Variants in ZNF585A observed in about 807,000 individuals in gnomAD.
ZNF585A encodes the protein zinc finger protein 585A.
A neutral mutation model predicts 14.9 loss-of-function variants in ZNF585A; 9 were observed. The ratio of observed to expected loss-of-function variants is 0.60; its 90% CI spans 0.36 to 1.05. ZNF585A has a LOEUF of 1.05. Ranked by LOEUF, ZNF585A falls within the 50% of genes least tolerant of loss-of-function variation. The pLI is 0.01. For synonymous variants in ZNF585A, 276 were observed against 319.9 expected, an observed-to-expected ratio of 0.86 and a Z score of 1.46; for missense variants, 726 against 926.4, an observed-to-expected ratio of 0.78 and a Z score of 2.81.
Position 37,146,022 on chromosome 19 carries a change from G to A in ZNF585A, c.*5567C>T, listed in dbSNP as rs1971738890. The A allele has an allele frequency of 6.6e-6, 1 of 152,214 alleles. No individual in the cohort carries two copies. The highest frequency in any genetic ancestry group is 1.5e-5 in the Non-Finnish European group (1 of 68,044). The allele number at this position is 152,214 out of a possible 1,614,324, so 9.4% of individuals were successfully genotyped here. ...TGTAAGTGGTATGCTATGGCATGGT[G>A]TACGGTATGGTACGGTATGAGGAAT... On this transcript the variant is annotated 3_prime_UTR_variant, in exon 5 of 5. Coordinates refer to ENST00000292841, the MANE Select transcript of ZNF585A (RefSeq NM_001288800.2).
At position 37,147,251 on chromosome 19, in the gene ZNF585A, T is replaced by C. The variant is rs1188054709; in HGVS notation, c.*4338A>G. 1 of 152,234 alleles carries C rather than the reference T, an allele frequency of 6.6e-6. No homozygotes were observed. The highest frequency in any genetic ancestry group is 1.5e-5 in the Non-Finnish European group (1 of 68,058). 9.4% of individuals were successfully genotyped at this position (152,234 alleles called of 1,614,324 possible). On this transcript the variant is annotated 3_prime_UTR_variant, in exon 5 of 5. Coordinates refer to ENST00000292841, the MANE Select transcript of ZNF585A (RefSeq NM_001288800.2). ...GAGCTCTACAGATGTGTTACTTCAA[T>C]GGCAGGATAAGATGGGGATGGAGGC...
At chr19:37,164,623 GTAA>G (rs1229502455) in intron 2 of ZNF585A, among the ~76,000 whole-genome samples, 3 of 151,998 alleles carry the variant, frequency 2.0e-5, no homozygotes, top group African/African-American at 7.3e-5. Flanking sequence ...AGAAATACCC[GTAA>G]TAATCTCTCG....
Position 37,147,747 on chromosome 19 carries a change from T to G in ZNF585A, c.*3842A>C, listed in dbSNP as rs919427877. ...ATAAAATTAAAATATATAAATCTAG[T>G]TTTTACACTTATAAATCTTTTATCA... is the stretch of plus-strand genomic sequence containing the variant. On this transcript the variant is annotated 3_prime_UTR_variant, in exon 5 of 5. Coordinates refer to ENST00000292841, the MANE Select transcript of ZNF585A (RefSeq NM_001288800.2). 6.6e-6 allele frequency: 1 copy of G among 152,196 alleles called. No homozygotes were observed. The highest frequency in any genetic ancestry group is 2.4e-5 in the African/African-American group (1 of 41,460). 9.4% of individuals were successfully genotyped at this position (152,196 alleles called of 1,614,324 possible).
intron 2 of ZNF585A, among the ~76,000 whole-genome samples, chr19:37,158,009 T>G (rs1181267681): frequency 6.6e-6 from 1 of 150,594 alleles, no homozygotes; most frequent in African/African-American, 2.4e-5. Flanking sequence ...TGCCTCAGAC[T>G]CCCGAGTAGC....
rs1378582716 is a variant in ZNF585A, at chr19:37,151,261, T to C, written c.*328A>G. 1 of 442,676 alleles carries C rather than the reference T, an allele frequency of 2.3e-6. No homozygotes were observed. The highest frequency in any genetic ancestry group is 4.0e-6 in the Non-Finnish European group (1 of 251,928). The allele number at this position is 442,676 out of a possible 1,614,324, so 27.4% of individuals were successfully genotyped here. A position where few individuals can be genotyped will look rare whatever the true frequency, so the allele number is the denominator to read the frequency against. ...ACCTAATCCACAGTAAACAGGATTA[T>C]CGTTAACTTAATACGATCTTTCTTA... is the stretch of plus-strand genomic sequence containing the variant. On this transcript the variant is annotated 3_prime_UTR_variant, in exon 5 of 5. Coordinates refer to ENST00000292841, the MANE Select transcript of ZNF585A (RefSeq NM_001288800.2).
At chr19:37,156,939 G>A (rs896256044) in intron 2 of ZNF585A, among the ~76,000 whole-genome samples, 9 of 152,126 alleles carry the variant, frequency 5.9e-5, no homozygotes, top group South Asian at 4.1e-4. Flanking sequence ...TGATCCACCC[G>A]CTTTGGCCTC....
intron 2 of ZNF585A, among the ~76,000 whole-genome samples, chr19:37,159,186 T>C (rs1027366088): frequency 2.8e-5 from 4 of 145,050 alleles, no homozygotes; most frequent in African/African-American, 7.9e-5. Context: ...GAGGTGGAGA[T>C]TACAGTGAGC....
intron 2 of ZNF585A, among the ~76,000 whole-genome samples, chr19:37,164,125 CTA>C (rs1972051676): frequency 2.0e-5 from 3 of 152,098 alleles, no homozygotes; most frequent in African/African-American, 7.2e-5. Flanking sequence ...TAAACAAAAA[CTA>C]TAGGAAAAAG....
chr19:37,150,060 G>A lies in ZNF585A; in HGVS notation c.*1529C>T, dbSNP rs1971800025. 6.6e-6 allele frequency: 1 copy of A among 152,010 alleles called. No homozygotes were observed. Among genetic ancestry groups the A allele is most frequent in the African/African-American group, 2.4e-5 (1 of 41,370 alleles). The allele number at this position is 152,010 out of a possible 1,614,324, so 9.4% of individuals were successfully genotyped here. A position where few individuals can be genotyped will look rare whatever the true frequency, so the allele number is the denominator to read the frequency against. Reference sequence around the variant, plus strand: ...CAGACACTGTGTTAGTGATTAATGGGCATCAACAGACATTGGGCTAGTTTT... The same window carrying A: ...CAGACACTGTGTTAGTGATTAATGGACATCAACAGACATTGGGCTAGTTTT... On this transcript the variant is annotated 3_prime_UTR_variant, in exon 5 of 5. Transcript: ENST00000292841.
In ZNF585A at chr19:37,151,639, C is replaced by T. The variant is rs371795037; in HGVS notation, c.2260G>A (p.Gly754Ser). The T allele has an allele frequency of 1.9e-5, 31 of 1,614,046 alleles. No individual in the cohort carries two copies. In the South Asian group the frequency reaches 3.3e-4, roughly 17 times the overall value. The change falls in exon 5 of 5, where the codon GGC becomes AGC. Residue 754 changes from glycine (G) to serine (S), a missense_variant. Physicochemically the swap from Gly to Ser is moderately conservative, Grantham distance 56. Coordinates refer to ENST00000292841, the MANE Select transcript of ZNF585A (RefSeq NM_001288800.2). ...CTGAACACTGATTTCTGAACGAAGCCTTTCCCACAGATGCCACACTTGTAG... is the reference window on the plus strand; with the variant it reads ...CTGAACACTGATTTCTGAACGAAGCTTTTCCCACAGATGCCACACTTGTAG... ...KPYKCGICGK[G>S]FVQKSVFSVH...
At chr19:37,163,079 G>A (rs997571192) in intron 2 of ZNF585A, among the ~76,000 whole-genome samples, 1 of 151,796 alleles carries the variant, frequency 6.6e-6, no homozygotes, top group Non-Finnish European at 1.5e-5. Flanking sequence ...TGAACCCCCA[G>A]CCCCCAAAAC....
intron 4 of ZNF585A, among the ~76,000 whole-genome samples, chr19:37,154,830 AAAG>A (rs906638886): frequency 6.6e-6 from 1 of 151,688 alleles, no homozygotes; most frequent in African/African-American, 2.4e-5. Context: ...AGAAAAAAGA[AAAG>A]AAATAAAAGT....
chr19:37,157,569 G>A (rs771130021), intron 2 of ZNF585A, among the ~76,000 whole-genome samples: 2 of 152,136 alleles, frequency 1.3e-5, no homozygotes, highest in Non-Finnish European at 1.5e-5. Context: ...TTGACATTCC[G>A]TAGAGTTGAG....
chr19:37,159,676 A>G (rs1040068756), intron 2 of ZNF585A, among the ~76,000 whole-genome samples: 1 of 152,244 alleles, frequency 6.6e-6, no homozygotes, highest in Non-Finnish European at 1.5e-5. Flanking sequence ...CAACAAGTTT[A>G]CAAGAATTAC....
Position 37,153,451 on chromosome 19 carries a change from T to C in ZNF585A, c.448A>G (p.Lys150Glu). 2 of 1,614,212 alleles carry C rather than the reference T, an allele frequency of 1.2e-6. No individual in the cohort carries two copies. Among genetic ancestry groups the C allele is most frequent in the Non-Finnish European group, 1.7e-6 (2 of 1,180,040 alleles). The change falls in exon 5 of 5, where the codon AAA becomes GAA. Residue 150 changes from lysine (K) to glutamate (E), a missense_variant. Physicochemically the swap from Lys to Glu is moderately conservative, Grantham distance 56 (BLOSUM62 1). This residue lies in a region of ZNF585A where 483 missense variants were observed against 542.8 expected (regional missense o/e 0.89). Transcript: ENST00000292841. ...TQKSQLKVHL[K>E]VLAGEKLYVC... is the part of the protein sequence containing the mutation. The stretch of plus-strand genomic sequence containing the variant: ...TAGAGCTTTTCTCCTGCAAGAACTT[T>C]CAGGTGTACTTTGAGCTGTGACTTC...
intron 1 of ZNF585A, among the ~76,000 whole-genome samples, chr19:37,171,753 A>G (rs1277633965): frequency 1.3e-5 from 2 of 152,128 alleles, no homozygotes; most frequent in Non-Finnish European, 2.9e-5. Context: ...AATACAAAAA[A>G]TTAGCTGGGC....
rs543464781 is a variant in ZNF585A, at chr19:37,147,725, A to C, written c.*3864T>G. ...TAGTATGTAATGACAGGCACATATA[A>C]AATTAAAATATATAAATCTAGTTTT... On this transcript the variant is annotated 3_prime_UTR_variant, in exon 5 of 5. Transcript: ENST00000292841. 13 of 152,340 alleles carry C rather than the reference A, an allele frequency of 8.5e-5. No individual in the cohort carries two copies. In the East Asian group the frequency reaches 2.5e-3, roughly 29 times the overall value. The allele number at this position is 152,340 out of a possible 1,614,324, so 9.4% of individuals were successfully genotyped here. A position where few individuals can be genotyped will look rare whatever the true frequency, so the allele number is the denominator to read the frequency against.
intron 2 of ZNF585A, among the ~76,000 whole-genome samples, chr19:37,168,361 G>A (rs1972129677): frequency 6.6e-6 from 1 of 152,168 alleles, no homozygotes; most frequent in African/African-American, 2.4e-5. Flanking sequence ...AACTCATGGT[G>A]TTCTCCATGG....
intron 1 of ZNF585A, among the ~76,000 whole-genome samples, chr19:37,170,837 AATGAG>A (rs1398197206): frequency 6.6e-6 from 1 of 152,378 alleles, no homozygotes; most frequent in African/African-American, 2.4e-5. Context: ...ACAAAAATTA[AATGAG>A]ATAATACTTG....
Sources: allele counts gnomAD v4.1 joint callset (sites outside exome capture counted in the v4.1 genomes callset), GRCh38; gene constraint gnomAD v4.1.1; regional missense constraint gnomAD v4.1.1; transcripts MANE v1.5; gene names NCBI Gene and HGNC (gene_info 2026-07-23, HGNC 2026-07-21).